Variants in PTPRT observed in about 807,000 individuals in gnomAD.
PTPRT encodes the protein protein tyrosine phosphatase receptor type T.
Under a neutral mutation model 176.8 loss-of-function variants are expected in PTPRT, and 56 were observed. The observed-to-expected ratio is 0.32, with a 90% CI of 0.26 to 0.40. PTPRT has a LOEUF of 0.40. Among genes scored for constraint, PTPRT ranks in the 10% least tolerant of loss-of-function variants. The probability of loss-of-function intolerance (pLI) is 1.00; values close to 1 mark genes in which losing one functional copy is unlikely to be tolerated. For synonymous variants in PTPRT, 783 were observed against 739.0 expected (o/e 1.06, Z -0.96); for missense variants, 1,540 against 1,908.2 (o/e 0.81, Z 3.60).
At chr20:42,615,895 C>A (rs2074066283) in intron 7 of PTPRT, among the ~76,000 whole-genome samples, 1 of 116,160 alleles carries the variant, frequency 8.6e-6, no homozygotes, top group Non-Finnish European at 1.7e-5. Flanking sequence ...GTTGCCTGTT[C>A]ACTCTGATGG....
In PTPRT at chr20:42,284,347, C is replaced by A. The variant is rs552071285; in HGVS notation, c.2140-1822G>T. ...CCTGCTTCTACATGTACAAGTGTGGCTATATTTTTGAAACCCAAGTACAGA... is the reference window on the plus strand; with the variant it reads ...CCTGCTTCTACATGTACAAGTGTGGATATATTTTTGAAACCCAAGTACAGA... On this transcript the variant is annotated intron_variant, in intron 12 of 30. Coordinates refer to ENST00000373187, the MANE Select transcript of PTPRT (RefSeq NM_007050.6). 2.0e-4 allele frequency among the ~76,000 whole-genome samples: 30 copies of A among 152,104 alleles called. 1 individual carries two copies. The South Asian group carries it at 2.3e-3, about 12-fold the overall frequency.
chr20:42,575,716 T>C (rs150128477), intron 7 of PTPRT, among the ~76,000 whole-genome samples: 309 of 152,298 alleles, frequency 2.0e-3, no homozygotes, highest in Non-Finnish European at 3.6e-3. Context: ...ATTTGATGCA[T>C]AGAAAACTGC....
chr20:42,393,327 A>G (rs529779098), intron 9 of PTPRT, among the ~76,000 whole-genome samples: 3 of 152,320 alleles, frequency 2.0e-5, no homozygotes, highest in Non-Finnish European at 4.4e-5. Flanking sequence ...TAAAATATGC[A>G]TGTATATTAG....
intron 1 of PTPRT, among the ~76,000 whole-genome samples, chr20:42,953,348 T>C (rs937710107): frequency 6.6e-6 from 1 of 152,176 alleles, no homozygotes; most frequent in African/African-American, 2.4e-5. Context: ...TGTTAAGAAA[T>C]GTACCAGAGG....
At chr20:42,558,495 G>C (rs568887756) in intron 7 of PTPRT, among the ~76,000 whole-genome samples, 1 of 152,214 alleles carries the variant, frequency 6.6e-6, no homozygotes, top group African/African-American at 2.4e-5. Context: ...TAATGGGGCT[G>C]CTGGGTCTAA....
intron 16 of PTPRT, among the ~76,000 whole-genome samples, chr20:42,178,445 TG>T (rs1233323226): frequency 1.3e-5 from 2 of 152,168 alleles, no homozygotes; most frequent in African/African-American, 4.8e-5. Context: ...TCTATTGAAA[TG>T]CATCAGAAGA....
chr20:42,559,718 C>G (rs2072919049), intron 7 of PTPRT, among the ~76,000 whole-genome samples: 1 of 152,178 alleles, frequency 6.6e-6, no homozygotes, highest in Admixed American at 6.6e-5. Flanking sequence ...TGATGCTATT[C>G]TAAATGCAAA....
rs139473681 is a variant in PTPRT at position 43,148,014 on chromosome 20, A to G, written c.88+41632T>C. On this transcript the variant is annotated intron_variant, in intron 1 of 30. Transcript: ENST00000373187. ...TTTAAATCTACCCAAGACCTCTTCA[A>G]GCAAAGCAAGGGCTCTGTCTGTGGA... Among the ~76,000 whole-genome samples the G allele has an allele frequency of 3.9e-5, 6 of 152,298 alleles. No homozygotes were observed. In the East Asian group the frequency reaches 1.2e-3, roughly 29 times the overall value.
intron 7 of PTPRT, among the ~76,000 whole-genome samples, chr20:42,522,630 T>C (rs1417933056): frequency 1.3e-5 from 2 of 152,076 alleles, no homozygotes; most frequent in African/African-American, 4.8e-5. Context: ...CCAGCTAAGT[T>C]TTTCTACTTT....
At chr20:42,805,245 C>T (rs997319626) in intron 2 of PTPRT, among the ~76,000 whole-genome samples, 1 of 152,186 alleles carries the variant, frequency 6.6e-6, no homozygotes, top group Non-Finnish European at 1.5e-5. Flanking sequence ...CTTACAGTCT[C>T]ATTTGCTGGC....
intron 1 of PTPRT, among the ~76,000 whole-genome samples, chr20:43,120,168 G>C (rs1281290459): frequency 6.6e-6 from 1 of 152,100 alleles, no homozygotes; most frequent in African/African-American, 2.4e-5. Flanking sequence ...ATAGAATTAC[G>C]AGGATCTAAT....
intron 1 of PTPRT, among the ~76,000 whole-genome samples, chr20:43,095,470 G>A (rs1044965986): frequency 6.6e-6 from 1 of 152,036 alleles, no homozygotes; most frequent in African/African-American, 2.4e-5. Flanking sequence ...TGTGTTTCTG[G>A]ACACTCAAAC....
chr20:42,782,639 C>T (rs2077231272), intron 3 of PTPRT, among the ~76,000 whole-genome samples: 1 of 152,160 alleles, frequency 6.6e-6, no homozygotes, highest in South Asian at 2.1e-4. Flanking sequence ...TCAAATCTTC[C>T]CATGTCATAC....
At chr20:42,910,128 A>G (rs2079526457) in intron 1 of PTPRT, among the ~76,000 whole-genome samples, 1 of 152,186 alleles carries the variant, frequency 6.6e-6, no homozygotes, top group South Asian at 2.1e-4. Flanking sequence ...AGGCCACATC[A>G]GATGACAGCC....
chr20:42,488,353 T>C lies in PTPRT; in HGVS notation c.1154-15791A>G, dbSNP rs947595754. ...TTCAGAACAGCAGCCCCAAAACTTTTAGCTGTATGTAAAGGTACCTGTGAA... is the reference window on the plus strand; with the variant it reads ...TTCAGAACAGCAGCCCCAAAACTTTCAGCTGTATGTAAAGGTACCTGTGAA... On this transcript the variant is annotated intron_variant, in intron 7 of 30. Transcript: ENST00000373187. 3.9e-5 allele frequency among the ~76,000 whole-genome samples: 6 copies of C among 152,230 alleles called. No homozygotes were observed. In the South Asian group the frequency reaches 1.2e-3, roughly 32 times the overall value.
chr20:42,246,750 G>A (rs2056458761), intron 14 of PTPRT, among the ~76,000 whole-genome samples: 1 of 152,196 alleles, frequency 6.6e-6, no homozygotes, highest in African/African-American at 2.4e-5. Context: ...TTACAAATCA[G>A]TGGCAAAGAA....
At chr20:42,091,642 C>T (rs3091600) in intron 27 of PTPRT, among the ~76,000 whole-genome samples, 103,973 of 152,114 alleles carry the variant, frequency 0.68, 36,261 homozygotes, top group African/African-American at 0.82. Context: ...TCCTGAATTG[C>T]TTTTAAAATT....
intron 11 of PTPRT, among the ~76,000 whole-genome samples, chr20:42,342,614 G>C (rs1002130863): frequency 6.6e-6 from 1 of 152,208 alleles, no homozygotes; most frequent in African/African-American, 2.4e-5. Flanking sequence ...GCTGCCCTGT[G>C]TCAATAAATC....
In PTPRT at chr20:42,204,455, A is replaced by G. The variant is rs143852591; in HGVS notation, c.2343-5067T>C. ...AGATTTTTGCCAACTGGGTCACACA[A>G]TTTCGCCAGCAGGGGGTACCAAAAG... On this transcript the variant is annotated intron_variant, in intron 15 of 30. Coordinates refer to ENST00000373187, the MANE Select transcript of PTPRT (RefSeq NM_007050.6). 3.5e-3 allele frequency among the ~76,000 whole-genome samples: 528 copies of G among 152,284 alleles called. 4 individuals are homozygous for G. Among genetic ancestry groups the G allele is most frequent in the Non-Finnish European group, 3.7e-3 (250 of 68,028 alleles).
Sources: gnomAD v4.1 joint callset for allele counts (sites outside exome capture counted in the v4.1 genomes callset) on GRCh38, gnomAD v4.1.1 for gene constraint, MANE v1.5 for transcripts, NCBI Gene and HGNC (gene_info 2026-07-23, HGNC 2026-07-21) for gene names.